OR12D2: variants seen among roughly 807,000 people sequenced by gnomAD.
OR12D2 encodes olfactory receptor 12D2.
For missense variants in OR12D2, 345 were observed against 371.6 expected, an observed-to-expected ratio of 0.93 and a Z score of 0.59; for synonymous variants, 146 against 142.3, an observed-to-expected ratio of 1.03 and a Z score of -0.19.
At position 29,397,703 on chromosome 6, in the gene OR12D2, C is replaced by A; in HGVS notation, c.*80C>A. The A allele has an allele frequency of 2.4e-6, 3 of 1,276,556 alleles. No homozygotes were observed. The highest frequency in any genetic ancestry group is 2.9e-5 in the South Asian group (2 of 70,128). The allele number at this position is 1,276,556 out of a possible 1,614,324, so 79.1% of individuals were successfully genotyped here. ...AGAGATGTGTAATTTTACTGCTTCT[C>A]AGATGGTTTATAAGTGTAAAATAGA... On this transcript the variant is annotated 3_prime_UTR_variant, in exon 2 of 2. Transcript: ENST00000642051.
chr6:29,397,246 C>T lies in OR12D2; in HGVS notation c.547C>T (p.Leu183=). The T allele has an allele frequency of 6.2e-7, 1 of 1,613,074 alleles. No homozygotes were observed. The highest frequency in any genetic ancestry group is 8.5e-7 in the Non-Finnish European group (1 of 1,180,024). Residue 183 remains leucine (L), a synonymous_variant, in exon 2 of 2, where the codon CTA becomes TTA. Transcript: ENST00000642051. ...HHFLCDIKPL[L]KLACGNTELN... ...TTTTCTCTGTGATATTAAGCCATTG[C>T]TAAAGCTGGCCTGTGGGAACACTGA...
At chr6:29,396,529 C>A in intron 1 of OR12D2, 169 bp from the exon 2 acceptor site, 2 of 636,900 alleles carry the variant, frequency 3.1e-6, no homozygotes, top group Non-Finnish European at 5.6e-6. Flanking sequence ...TGCATGAATC[C>A]TTAATATTGA....
Position 29,397,078 on chromosome 6 carries a change from C to A in OR12D2, c.379C>A (p.Pro127Thr), listed in dbSNP as rs1475664037. 1 of 1,613,186 alleles carries A rather than the reference C, an allele frequency of 6.2e-7. No homozygotes were observed. Among genetic ancestry groups the A allele is most frequent in the Non-Finnish European group, 8.5e-7 (1 of 1,180,006 alleles). Residue 127 changes from proline (P) to threonine (T), a missense_variant, in exon 2 of 2, where the codon CCA (proline) becomes ACA (threonine). Coordinates refer to ENST00000642051, the MANE Select transcript of OR12D2 (RefSeq NM_013936.4). ...TGACCTCTCTGTGGCTATCTGCAAG[C>A]CACTTCGCTACACTGTCATCATGAA... is the stretch of plus-strand genomic sequence containing the variant. The part of the protein sequence containing the change: ...AFDLSVAICK[P>T]LRYTVIMNPQ...
Position 29,397,253 on chromosome 6 carries a change from T to C in OR12D2, c.554T>C (p.Leu185Pro). The change falls in exon 2 of 2, where the codon CTG becomes CCG. Residue 185 changes from leucine to proline, a missense_variant. By Grantham distance (98) the Leu-to-Pro change is moderately conservative. Transcript: ENST00000642051. The part of the protein sequence containing the change: ...FLCDIKPLLK[L>P]ACGNTELNQW... The stretch of plus-strand genomic sequence containing the variant: ...TGTGATATTAAGCCATTGCTAAAGC[T>C]GGCCTGTGGGAACACTGAGCTTAAT... The C allele has an allele frequency of 6.2e-7, 1 of 1,613,120 alleles. No homozygotes were observed. Among genetic ancestry groups the C allele is most frequent in the Non-Finnish European group, 8.5e-7 (1 of 1,180,034 alleles).
At chr6:29,395,890 G>A (rs1442369099) in intron 1 of OR12D2, 75 bp downstream of exon 1, 4 of 152,130 alleles carry the variant, frequency 2.6e-5, no homozygotes, top group African/African-American at 9.7e-5. Flanking sequence ...ATCTGATATA[G>A]CAGTGATAAA....
In OR12D2 at chr6:29,397,042, G is replaced by A. The variant is rs746782398; in HGVS notation, c.343G>A (p.Val115Met). 3.1e-6 allele frequency: 5 copies of A among 1,613,076 alleles called. No homozygotes were observed. The highest frequency in any genetic ancestry group is 2.7e-5 in the African/African-American group (2 of 75,028). ...LGSTESMLFA[V>M]MAFDLSVAIC... ...CAGCACGGAGTCCATGTTGTTCGCC[G>A]TGATGGCATTTGACCTCTCTGTGGC... is the stretch of plus-strand genomic sequence containing the variant. Residue 115 changes from valine (V) to methionine (M), a missense_variant, in exon 2 of 2, where the codon GTG becomes ATG. Val to Met is a conservative substitution (Grantham distance 21). Transcript: ENST00000642051.
chr6:29,397,405 G>A lies in OR12D2; in HGVS notation c.706G>A (p.Ala236Thr), dbSNP rs764165559. Residue 236 changes from alanine to threonine, a missense_variant, in exon 2 of 2, where the codon GCA becomes ACA. By Grantham distance (58) the Ala-to-Thr change is moderately conservative. Transcript: ENST00000642051. ...CCGTTCTTGTAGCATGCTCTGTAAA[G>A]CACTGTCCACTTGTGCCTCCCACTT... ...KTRSCSMLCK[A>T]LSTCASHFMV... is the part of the protein sequence containing the mutation. The A allele has an allele frequency of 4.2e-5, 68 of 1,612,814 alleles. No homozygotes were observed. The South Asian group carries it at 6.5e-4, about 15-fold the overall frequency.
chr6:29,397,833 C>T lies in OR12D2; in HGVS notation c.*210C>T, dbSNP rs370613380. On this transcript the variant is annotated 3_prime_UTR_variant, in exon 2 of 2. Coordinates refer to ENST00000642051, the MANE Select transcript of OR12D2 (RefSeq NM_013936.4). The stretch of plus-strand genomic sequence containing the variant: ...AAATGCAAGACACTAGCCATGGAAC[C>T]CTAATGCTGAAAATTTTTTGGAATA... 5.8e-6 allele frequency: 3 copies of T among 520,766 alleles called. No homozygotes were observed. Among genetic ancestry groups the T allele is most frequent in the Non-Finnish European group, 3.3e-6 (1 of 300,692 alleles). The allele number at this position is 520,766 out of a possible 1,614,324, so 32.3% of individuals were successfully genotyped here. A position where few individuals can be genotyped will look rare whatever the true frequency, so the allele number is the denominator to read the frequency against.
rs868419230 is a variant in OR12D2, at chr6:29,397,477, C to T, written c.778C>T (p.His260Tyr). The change falls in exon 2 of 2, where the codon CAT (histidine) becomes TAT (tyrosine). Residue 260 changes from histidine to tyrosine, a missense_variant. Transcript: ENST00000642051. The stretch of plus-strand genomic sequence containing the variant: ...TGCACCTGTTCTTTTCACCTATATC[C>T]ATCCTGCGTTAGAGAGCTTCATGGA... ...FYAPVLFTYI[H>Y]PALESFMDQD... 1 of 1,613,040 alleles carries T rather than the reference C, an allele frequency of 6.2e-7. No homozygotes were observed. Among genetic ancestry groups the T allele is most frequent in the Non-Finnish European group, 8.5e-7 (1 of 1,180,020 alleles).
Position 29,397,068 on chromosome 6 carries a change from T to C in OR12D2, c.369T>C (p.Ala123=), listed in dbSNP as rs762267766. The C allele has an allele frequency of 1.2e-6, 2 of 1,613,138 alleles. No individual in the cohort carries two copies. Among genetic ancestry groups the C allele is most frequent in the South Asian group, 2.2e-5 (2 of 91,074 alleles). ...TGATGGCATTTGACCTCTCTGTGGC[T>C]ATCTGCAAGCCACTTCGCTACACTG... ...FAVMAFDLSV[A]ICKPLRYTVI... Residue 123 remains alanine, a synonymous_variant, in exon 2 of 2, where the codon GCT becomes GCC. Coordinates refer to ENST00000642051, the MANE Select transcript of OR12D2 (RefSeq NM_013936.4).
rs138194343 is a variant in OR12D2 at position 29,396,615 on chromosome 6, T to C, written c.-2-83T>C. 1.1e-3 allele frequency: 1,282 copies of C among 1,126,380 alleles called. 5 individuals carry two copies. Among genetic ancestry groups the C allele is most frequent in the African/African-American group, 9.8e-3 (635 of 65,012 alleles). The allele number at this position is 1,126,380 out of a possible 1,614,324, so 69.8% of individuals were successfully genotyped here. ...CAACAGTACTCTCCTTCCAAGTATC[T>C]TTGGCTTGGTGAGAAAATTCTGAGC... is the stretch of plus-strand genomic sequence containing the variant. On this transcript the variant is annotated intron_variant, in intron 1 of 1. Transcript: ENST00000642051.
At position 29,397,794 on chromosome 6, in the gene OR12D2, T is replaced by C. The variant is rs1780647666; in HGVS notation, c.*171T>C. On this transcript the variant is annotated 3_prime_UTR_variant, in exon 2 of 2. Transcript: ENST00000642051. ...GTAAACAATACATTTCTAAGTAATA[T>C]GAGGAATACTTGAAAATGCAAGACA... 1.8e-6 allele frequency: 1 copy of C among 567,228 alleles called. No individual in the cohort carries two copies. The highest frequency in any genetic ancestry group is 1.9e-5 in the African/African-American group (1 of 53,320). 35.1% of individuals were successfully genotyped at this position (567,228 alleles called of 1,614,324 possible). A position where few individuals can be genotyped will look rare whatever the true frequency, so the allele number is the denominator to read the frequency against.
Position 29,397,219 on chromosome 6 carries a change from C to A in OR12D2, c.520C>A (p.His174Asn). The A allele has an allele frequency of 6.2e-7, 1 of 1,613,052 alleles. No homozygotes were observed. Among genetic ancestry groups the A allele is most frequent in the African/African-American group, 1.3e-5 (1 of 75,042 alleles). Residue 174 changes from histidine to asparagine, a missense_variant, in exon 2 of 2, where the codon CAT (histidine) becomes AAT (asparagine). Physicochemically the swap from His to Asn is moderately conservative, Grantham distance 68. Coordinates refer to ENST00000642051, the MANE Select transcript of OR12D2 (RefSeq NM_013936.4). ...CTTCTGTGGTTCCAACCGTATCCAT[C>A]ATTTTCTCTGTGATATTAAGCCATT... ...LNFCGSNRIH[H>N]FLCDIKPLLK... is the part of the protein sequence containing the mutation.
At position 29,397,816 on chromosome 6, in the gene OR12D2, G is replaced by T. The variant is rs1562970560; in HGVS notation, c.*193G>T. The stretch of plus-strand genomic sequence containing the variant: ...ATATGAGGAATACTTGAAAATGCAA[G>T]ACACTAGCCATGGAACCCTAATGCT... On this transcript the variant is annotated 3_prime_UTR_variant, in exon 2 of 2. Transcript: ENST00000642051. 1 of 547,112 alleles carries T rather than the reference G, an allele frequency of 1.8e-6. No homozygotes were observed. 33.9% of individuals were successfully genotyped at this position (547,112 alleles called of 1,614,324 possible).
At position 29,397,276 on chromosome 6, in the gene OR12D2, A is replaced by G. The variant is rs372907278; in HGVS notation, c.577A>G (p.Asn193Asp). ...GCTGGCCTGTGGGAACACTGAGCTT[A>G]ATCAGTGGCTACTCAGTACTGTCAC... ...LKLACGNTEL[N>D]QWLLSTVTGT... Residue 193 changes from asparagine to aspartate, a missense_variant, in exon 2 of 2, where the codon AAT (asparagine) becomes GAT (aspartate). Asn to Asp is a conservative substitution (Grantham distance 23, BLOSUM62 1). Transcript: ENST00000642051. 7.4e-6 allele frequency: 12 copies of G among 1,612,632 alleles called. No individual in the cohort carries two copies. The African/African-American group carries it at 1.6e-4, about 22-fold the overall frequency.
In OR12D2 at chr6:29,396,797, A is replaced by G; in HGVS notation, c.98A>G (p.Tyr33Cys). The change falls in exon 2 of 2, where the codon TAC becomes TGC. Residue 33 changes from tyrosine (Y) to cysteine (C), a missense_variant. By Grantham distance (194) the Tyr-to-Cys change is radical (BLOSUM62 -2). Transcript: ENST00000642051. ...PFLFVVFLTI[Y>C]FISVTGNGAV... The stretch of plus-strand genomic sequence containing the variant: ...CTCTTCGTGGTTTTCCTCACCATCT[A>G]CTTCATCAGTGTGACTGGGAATGGA... 1 of 1,612,854 alleles carries G rather than the reference A, an allele frequency of 6.2e-7. No individual in the cohort carries two copies. The highest frequency in any genetic ancestry group is 1.7e-5 in the Admixed American group (1 of 60,010).
chr6:29,396,621 T>C, intron 1 of OR12D2, 77 bp from the exon 2 acceptor site: 2 of 1,191,340 alleles, frequency 1.7e-6, no homozygotes, highest in Non-Finnish European at 1.2e-6. Context: ...TATCTTTGGC[T>C]TGGTGAGAAA....
rs535949013 is a variant in OR12D2 at position 29,397,744 on chromosome 6, G to GA, written c.*129dup. 4.1e-5 allele frequency: 31 copies of GA among 758,698 alleles called. No homozygotes were observed. Among genetic ancestry groups the GA allele is most frequent in the Middle Eastern group, 7.8e-4 (2 of 2,562 alleles). The allele number at this position is 758,698 out of a possible 1,614,324, so 47.0% of individuals were successfully genotyped here. On this transcript the variant is annotated 3_prime_UTR_variant, in exon 2 of 2. Transcript: ENST00000642051. ...GTAAAATAGAGGCAACTGGATAAAA[G>GA]AAAAAAAAGTCCAATCTAGTTGTAG... is the stretch of plus-strand genomic sequence containing the variant.
Position 29,396,771 on chromosome 6 carries a change from T to C in OR12D2, c.72T>C (p.Phe24=). 6.2e-7 allele frequency: 1 copy of C among 1,613,006 alleles called. No individual in the cohort carries two copies. The highest frequency in any genetic ancestry group is 1.3e-5 in the African/African-American group (1 of 75,052). Residue 24 remains phenylalanine (F), a synonymous_variant, in exon 2 of 2, where the codon TTT becomes TTC. Coordinates refer to ENST00000642051, the MANE Select transcript of OR12D2 (RefSeq NM_013936.4). ...GVTDIQELQP[F]LFVVFLTIYF... is the part of the protein sequence containing the mutation. ...CAGACATTCAAGAACTGCAGCCTTT[T>C]CTCTTCGTGGTTTTCCTCACCATCT...
Sources: allele counts gnomAD v4.1 joint callset, GRCh38; gene constraint gnomAD v4.1.1; transcripts MANE v1.5; gene names NCBI Gene and HGNC (gene_info 2026-07-23, HGNC 2026-07-21).